Variants in MAPKAPK2 observed in about 807,000 individuals in gnomAD.
The protein encoded by MAPKAPK2 is MAPK activated protein kinase 2.
MAPKAPK2 carries 9 observed loss-of-function variants against 48.8 expected under a neutral mutation model. The observed-to-expected ratio is 0.18, with a 90% CI of 0.11 to 0.32. The LOEUF is 0.32. Ranked by LOEUF, MAPKAPK2 falls within the 10% of genes least tolerant of loss-of-function variation. The pLI, the probability that MAPKAPK2 is intolerant of heterozygous loss-of-function variation, is 1.00. For missense variants in MAPKAPK2, 331 were observed against 498.3 expected (o/e 0.66, Z 3.20); for synonymous variants, 202 against 190.6 (o/e 1.06, Z -0.49).
At chr1:206,708,825 G>A (rs61815626) in intron 1 of MAPKAPK2, among the ~76,000 whole-genome samples, 8,241 of 152,212 alleles carry the variant, frequency 0.054, 319 homozygotes, top group Non-Finnish European at 0.086. Flanking sequence ...TTTTCTCACT[G>A]TAGATTAGTT....
At chr1:206,725,604 G>A (rs1219446462) in intron 1 of MAPKAPK2, among the ~76,000 whole-genome samples, 1 of 152,186 alleles carries the variant, frequency 6.6e-6, no homozygotes, top group Non-Finnish European at 1.5e-5. Context: ...GCTCTGAAAG[G>A]TAGACCTCTC....
intron 6 of MAPKAPK2, 112 bp downstream of exon 6, chr1:206,730,875 C>T (rs879960652): frequency 2.6e-6 from 3 of 1,143,978 alleles, no homozygotes; most frequent in Admixed American, 3.7e-5. Flanking sequence ...CAGGGGAGTC[C>T]CCTGCGTGCC....
At chr1:206,687,054 G>A (rs539878066) in intron 1 of MAPKAPK2, among the ~76,000 whole-genome samples, 1 of 152,150 alleles carries the variant, frequency 6.6e-6, no homozygotes, top group Non-Finnish European at 1.5e-5. Context: ...AATACAGTTT[G>A]ACCACAGTTA....
intron 1 of MAPKAPK2, among the ~76,000 whole-genome samples, chr1:206,713,986 G>T (rs553456279): frequency 6.6e-6 from 1 of 152,324 alleles, no homozygotes; most frequent in East Asian, 1.9e-4. Flanking sequence ...TTCTGTGGGT[G>T]ACGGAGGGAG....
intron 1 of MAPKAPK2, among the ~76,000 whole-genome samples, chr1:206,697,770 G>A (rs1672675236): frequency 6.6e-6 from 1 of 152,222 alleles, no homozygotes; most frequent in Non-Finnish European, 1.5e-5. Flanking sequence ...GAGGTCAAAG[G>A]TTTGAACCTC....
intron 1 of MAPKAPK2, among the ~76,000 whole-genome samples, chr1:206,707,165 C>A (rs1425551691): frequency 1.3e-5 from 2 of 152,090 alleles, no homozygotes; most frequent in African/African-American, 2.4e-5. Flanking sequence ...TGTTGTCCTG[C>A]ATGATGAGGA....
At chr1:206,715,123 G>A (rs1201167580) in intron 1 of MAPKAPK2, among the ~76,000 whole-genome samples, 1 of 152,194 alleles carries the variant, frequency 6.6e-6, no homozygotes, top group Admixed American at 6.5e-5. Flanking sequence ...TTGAGAGAGA[G>A]CATGTGTGTA....
chr1:206,711,907 G>A (rs1382200229), intron 1 of MAPKAPK2, among the ~76,000 whole-genome samples: 2 of 152,300 alleles, frequency 1.3e-5, no homozygotes, highest in South Asian at 2.1e-4. Flanking sequence ...ACAGGTGTGC[G>A]TCACTGTGCC....
At chr1:206,709,867 A>G (rs572062495) in intron 1 of MAPKAPK2, among the ~76,000 whole-genome samples, 147 of 152,272 alleles carry the variant, frequency 9.7e-4, no homozygotes, top group Non-Finnish European at 9.7e-4. Context: ...AGTTGCAACC[A>G]TCTATCTACC....
At chr1:206,727,457 C>T (rs1250791038) in intron 1 of MAPKAPK2, among the ~76,000 whole-genome samples, 1 of 152,118 alleles carries the variant, frequency 6.6e-6, no homozygotes, top group Non-Finnish European at 1.5e-5. Context: ...GTGATGGCAG[C>T]GAGGATCCAG....
Position 206,714,137 on chromosome 1 carries a change from T to G in MAPKAPK2, c.280-14573T>G, listed in dbSNP as rs1673244806. Reference sequence around the variant, plus strand: ...TGCCTGTTCAGCAGCCTGTCCTAGATCCACCAAACAGCACTTTATTACTGG... The same window carrying G: ...TGCCTGTTCAGCAGCCTGTCCTAGAGCCACCAAACAGCACTTTATTACTGG... On this transcript the variant is annotated intron_variant, in intron 1 of 9. Coordinates refer to ENST00000367103, the MANE Select transcript of MAPKAPK2 (RefSeq NM_032960.4). Among the ~76,000 whole-genome samples the G allele has an allele frequency of 2.0e-5, 3 of 152,288 alleles. No individual in the cohort carries two copies. The South Asian group carries it at 6.2e-4, about 32-fold the overall frequency.
intron 1 of MAPKAPK2, among the ~76,000 whole-genome samples, chr1:206,721,352 AG>A (rs1487436712): frequency 6.6e-6 from 1 of 152,232 alleles, no homozygotes; most frequent in Non-Finnish European, 1.5e-5. Flanking sequence ...ACCCAGTCTC[AG>A]GTATTTCTTA....
intron 1 of MAPKAPK2, among the ~76,000 whole-genome samples, chr1:206,699,371 G>A (rs1191299694): frequency 6.6e-6 from 1 of 152,222 alleles, no homozygotes; most frequent in East Asian, 1.9e-4. Flanking sequence ...CATGGGCAGA[G>A]GATACTTCAT....
intron 1 of MAPKAPK2, among the ~76,000 whole-genome samples, chr1:206,690,922 G>T (rs1362342720): frequency 9.2e-5 from 14 of 152,198 alleles, no homozygotes; most frequent in African/African-American, 3.4e-4. Flanking sequence ...GTCATGTGAG[G>T]TCTCTTTTCC....
chr1:206,732,886 G>C lies in MAPKAPK2; in HGVS notation c.*168G>C. 1 of 756,036 alleles carries C rather than the reference G, an allele frequency of 1.3e-6. No individual in the cohort carries two copies. The highest frequency in any genetic ancestry group is 2.1e-5 in the South Asian group (1 of 47,184). 46.8% of individuals were successfully genotyped at this position (756,036 alleles called of 1,614,324 possible). A position where few individuals can be genotyped will look rare whatever the true frequency, so the allele number is the denominator to read the frequency against. The stretch of plus-strand genomic sequence containing the variant: ...TTCTGCCTTGGTTCTGGCCACCCCA[G>C]AGTGGGAGAGGCTGGGAGGTTGGGA... On this transcript the variant is annotated 3_prime_UTR_variant, in exon 10 of 10. Transcript: ENST00000367103. This position sits in a 1 kb window ranked among gnomAD's most constrained non-coding sequence, Gnocchi z 4.4.
At chr1:206,701,803 C>T (rs1357027523) in intron 1 of MAPKAPK2, among the ~76,000 whole-genome samples, 1 of 140,550 alleles carries the variant, frequency 7.1e-6, no homozygotes, top group Non-Finnish European at 1.5e-5. Flanking sequence ...TGCACTCCAA[C>T]CTGGGCAACA....
chr1:206,695,940 ACCTGGGCCC>A, intron 1 of MAPKAPK2: 1 of 675,212 alleles, frequency 1.5e-6, no homozygotes, highest in Non-Finnish European at 2.7e-6. Context: ...CCTGAGGGCC[ACCTGGGCCC>A]CAGGTCCAGG....
At chr1:206,698,567 C>A (rs1412795181) in intron 1 of MAPKAPK2, among the ~76,000 whole-genome samples, 3 of 152,220 alleles carry the variant, frequency 2.0e-5, no homozygotes, top group Non-Finnish European at 4.4e-5. Context: ...CTTAGCAACT[C>A]TGTGAAGGTT....
chr1:206,732,573 A>C lies in MAPKAPK2; in HGVS notation c.1060-2A>C. The C allele has an allele frequency of 6.2e-7, 1 of 1,613,688 alleles. No individual in the cohort carries two copies. On this transcript the variant is annotated splice_acceptor_variant, in intron 9 of 9. Coordinates refer to ENST00000367103, the MANE Select transcript of MAPKAPK2 (RefSeq NM_032960.4). LOFTEE classifies it high-confidence loss of function. This position sits in a 1 kb window ranked among gnomAD's most constrained non-coding sequence, Gnocchi z 4.4. ...CCCTTCCTGGTGCTGCCGTGCCCCC[A>C]GGAGGAGATGACCAGTGCCTTGGCC...
Sources: gnomAD v4.1 joint callset for allele counts (sites outside exome capture counted in the v4.1 genomes callset) on GRCh38, gnomAD v4.1.1 for gene constraint, Gnocchi (gnomAD v3.1) non-coding constraint, MANE v1.5 for transcripts, NCBI Gene and HGNC (gene_info 2026-07-23, HGNC 2026-07-21) for gene names.